DNAH11: variants seen among roughly 807,000 people sequenced by gnomAD.
DNAH11 encodes dynein axonemal heavy chain 11, also known as axonemal beta dynein heavy chain 11.
Under a neutral mutation model 526.0 loss-of-function variants are expected in DNAH11, and 442 were observed. The observed-to-expected ratio is 0.84, with a 90% CI of 0.78 to 0.91. DNAH11 has a LOEUF of 0.91. DNAH11 is among the 40% of genes least tolerant of loss of function. DNAH11 has a pLI of 0.00. For synonymous variants in DNAH11, 2,461 were observed against 1,935.9 expected (o/e 1.27, Z -7.12); for missense variants, 6,989 against 5,448.7 (o/e 1.28, Z -8.90).
chr7:21,716,539 C>T (rs932687546), intron 42 of DNAH11, among the ~76,000 whole-genome samples: 1 of 152,162 alleles, frequency 6.6e-6, no homozygotes, highest in Non-Finnish European at 1.5e-5. Flanking sequence ...GGCAGTTTCA[C>T]TTTAGACTTT....
In DNAH11 at chr7:21,680,863, A is replaced by G. The variant is rs1229589530; in HGVS notation, c.5329-683A>G. 5.3e-5 allele frequency among the ~76,000 whole-genome samples: 8 copies of G among 152,258 alleles called. No homozygotes were observed. The East Asian group carries it at 1.3e-3, about 26-fold the overall frequency. On this transcript the variant is annotated intron_variant, in intron 30 of 81. Coordinates refer to ENST00000409508, the MANE Select transcript of DNAH11 (RefSeq NM_001277115.2). ...TAGGTGAATGCTTTTCTAAAGAAAA[A>G]TATAATTTGTCATTTAGCTTTTACT... is the stretch of plus-strand genomic sequence containing the variant.
intron 70 of DNAH11, among the ~76,000 whole-genome samples, chr7:21,866,216 G>C (rs1052825955): frequency 2.0e-5 from 3 of 151,328 alleles, no homozygotes; most frequent in African/African-American, 7.3e-5. Flanking sequence ...CTCTTCTCCA[G>C]TCTTCCAGGC....
At position 21,819,813 on chromosome 7, in the gene DNAH11, G is replaced by C. The variant is rs190261985; in HGVS notation, c.10691+1474G>C. On this transcript the variant is annotated intron_variant, in intron 65 of 81. Coordinates refer to ENST00000409508, the MANE Select transcript of DNAH11 (RefSeq NM_001277115.2). ...ATTTTAGAAACAGATTTTACATAGA[G>C]CTTCAAGTCTTTATCACAAAATATC... 6.6e-5 allele frequency among the ~76,000 whole-genome samples: 10 copies of C among 152,212 alleles called. No individual in the cohort carries two copies. In the East Asian group the frequency reaches 1.7e-3, roughly 26 times the overall value.
At chr7:21,719,042 C>G (rs2965414) in intron 43 of DNAH11, among the ~76,000 whole-genome samples, 133,015 of 152,252 alleles carry the variant, frequency 0.87, 58,435 homozygotes, top group African/African-American at 0.97. Context: ...TTCTCAAGTT[C>G]ACTTGTGTAT....
At position 21,867,951 on chromosome 7, in the gene DNAH11, C is replaced by T; in HGVS notation, c.11783C>T (p.Pro3928Leu). ...TTCGAAGAAAGCAGCCCAGCCACCC[C>T]CATATTCTTCATCCTGTCTCCGGGG... ...KAFEESSPATPIFFILSPGVD... is the reference protein window; with the variant it reads ...KAFEESSPATLIFFILSPGVD... The change falls in exon 72 of 82, where the codon CCC (proline) becomes CTC (leucine). Residue 3928 changes from proline to leucine, a missense_variant. By Grantham distance (98) the Pro-to-Leu change is moderately conservative (BLOSUM62 -3). Transcript: ENST00000409508. 2 of 1,568,422 alleles carry T rather than the reference C, an allele frequency of 1.3e-6. No homozygotes were observed. The highest frequency in any genetic ancestry group is 2.3e-5 in the East Asian group (1 of 42,572).
intron 30 of DNAH11, among the ~76,000 whole-genome samples, chr7:21,661,578 A>G (rs1277513992): frequency 6.6e-6 from 1 of 151,976 alleles, no homozygotes; most frequent in Non-Finnish European, 1.5e-5. Flanking sequence ...TAATTTTAAG[A>G]TTTCTTTCTT....
rs1350098375 is a variant in DNAH11 at position 21,871,613 on chromosome 7, GTTGTTTTCTT to G, written c.11968-1658_11968-1649del. Reference sequence around the variant, plus strand: ...CAAAGCAGGTTTTATTATTGTTTCTGTTGTTTTCTTTTATGATTGGCACAATTAGGAATGA... The same window carrying G: ...CAAAGCAGGTTTTATTATTGTTTCTGTTATGATTGGCACAATTAGGAATGA... On this transcript the variant is annotated intron_variant, in intron 73 of 81. Coordinates refer to ENST00000409508, the MANE Select transcript of DNAH11 (RefSeq NM_001277115.2). Among the ~76,000 whole-genome samples the G allele has an allele frequency of 3.3e-5, 5 of 152,184 alleles. No individual in the cohort carries two copies. In the South Asian group the frequency reaches 1.0e-3, roughly 31 times the overall value.
At chr7:21,876,447 C>T (rs1204131067) in intron 74 of DNAH11, among the ~76,000 whole-genome samples, 1 of 152,208 alleles carries the variant, frequency 6.6e-6, no homozygotes, top group Admixed American at 6.5e-5. Context: ...GGGATTTAGC[C>T]TGTGCTCCCT....
At chr7:21,733,574 G>T (rs1785477763) in intron 45 of DNAH11, among the ~76,000 whole-genome samples, 1 of 152,170 alleles carries the variant, frequency 6.6e-6, no homozygotes. Context: ...CTGAAAACTG[G>T]TATCACAAGA....
intron 61 of DNAH11, among the ~76,000 whole-genome samples, chr7:21,795,589 G>A (rs558799642): frequency 7.9e-5 from 12 of 152,162 alleles, no homozygotes; most frequent in Non-Finnish European, 1.5e-4. Flanking sequence ...TTAACAAACA[G>A]AACCATATTT....
chr7:21,765,219 G>T (rs917033623), intron 54 of DNAH11, among the ~76,000 whole-genome samples: 1 of 123,338 alleles, frequency 8.1e-6, no homozygotes, highest in South Asian at 2.6e-4. Context: ...GTACACAGCA[G>T]TGTTTCTGTG....
intron 44 of DNAH11, among the ~76,000 whole-genome samples, chr7:21,724,025 ACT>A (rs778091586): frequency 2.4e-4 from 37 of 152,152 alleles, no homozygotes; most frequent in Non-Finnish European, 4.4e-4. Context: ...GAGAGGAGAG[ACT>A]CTGTTGGTTT....
chr7:21,633,050 G>A (rs1786689866), intron 25 of DNAH11, among the ~76,000 whole-genome samples: 1 of 152,204 alleles, frequency 6.6e-6, no homozygotes, highest in South Asian at 2.1e-4. Context: ...GACAGCTTGT[G>A]CTGGCGATCT....
chr7:21,697,400 A>T (rs1015915096), intron 35 of DNAH11, among the ~76,000 whole-genome samples: 1 of 152,136 alleles, frequency 6.6e-6, no homozygotes, highest in South Asian at 2.1e-4. Context: ...AGCTCTCAGT[A>T]GCTGATGGTT....
At chr7:21,587,717 A>T (rs1167675727) in intron 9 of DNAH11, among the ~76,000 whole-genome samples, 4 of 152,182 alleles carry the variant, frequency 2.6e-5, no homozygotes, top group African/African-American at 7.2e-5. Context: ...AGGGAAGAAC[A>T]ATAACAAGTA....
At chr7:21,575,162 C>T (rs1460328559) in intron 8 of DNAH11, among the ~76,000 whole-genome samples, 2 of 152,188 alleles carry the variant, frequency 1.3e-5, no homozygotes, top group African/African-American at 2.4e-5. Context: ...CAGGCATGAG[C>T]CACCATGCCC....
At chr7:21,557,084 A>G (rs1403994845) in intron 2 of DNAH11, among the ~76,000 whole-genome samples, 2 of 151,892 alleles carry the variant, frequency 1.3e-5, no homozygotes, top group East Asian at 1.9e-4. Context: ...AAGTGAGAAC[A>G]TACAGTATTT....
chr7:21,828,738 C>CTT (rs57879254), intron 65 of DNAH11, among the ~76,000 whole-genome samples: 15 of 136,454 alleles, frequency 1.1e-4, no homozygotes, highest in African/African-American at 1.6e-4. Context: ...CTACTTATGA[C>CTT]TTTTTTTTTT....
intron 45 of DNAH11, among the ~76,000 whole-genome samples, chr7:21,734,509 A>T (rs1190204549): frequency 6.6e-6 from 1 of 152,238 alleles, no homozygotes; most frequent in African/African-American, 2.4e-5. Context: ...CTGAATTAAA[A>T]TGAAGTTCTA....
Sources: allele counts gnomAD v4.1 joint callset (sites outside exome capture counted in the v4.1 genomes callset), GRCh38; gene constraint gnomAD v4.1.1; transcripts MANE v1.5; gene names NCBI Gene and HGNC (gene_info 2026-07-23, HGNC 2026-07-21).